The following MPDZ variants were observed in gnomAD, a reference collection of about 807,000 sequenced individuals.
MPDZ encodes multiple PDZ domain protein.
A neutral mutation model predicts 239.1 loss-of-function variants in MPDZ; 234 were observed. The ratio of observed to expected loss-of-function variants is 0.98; its 90% CI spans 0.88 to 1.09. MPDZ has a LOEUF of 1.09. MPDZ is among the 50% of genes least tolerant of loss of function. The pLI is 0.00. For missense variants in MPDZ, 3,175 were observed against 2,510.0 expected, an observed-to-expected ratio of 1.26 and a Z score of -5.66; for synonymous variants, 1,048 against 881.3, an observed-to-expected ratio of 1.19 and a Z score of -3.35.
intron 26 of MPDZ, 124 bp from the exon 27 acceptor site, chr9:13,143,688 G>T (rs1376380483): frequency 1.5e-5 from 11 of 737,338 alleles, no homozygotes. Context: ...ATCAGATCCA[G>T]TCATTAATAG....
At chr9:13,194,242 T>A (rs926404664) in intron 13 of MPDZ, among the ~76,000 whole-genome samples, 1 of 152,294 alleles carries the variant, frequency 6.6e-6, no homozygotes, top group Non-Finnish European at 1.5e-5. Flanking sequence ...TTTCATTTAT[T>A]GTATACTTCC....
intron 15 of MPDZ, among the ~76,000 whole-genome samples, chr9:13,191,064 G>C (rs955552481): frequency 3.3e-5 from 5 of 152,074 alleles, no homozygotes; most frequent in Non-Finnish European, 7.4e-5. Flanking sequence ...CTAGTTTGTA[G>C]AATATCTTTG....
intron 46 of MPDZ, among the ~76,000 whole-genome samples, chr9:13,107,534 G>C (rs1384508776): frequency 6.6e-6 from 1 of 152,156 alleles, no homozygotes; most frequent in East Asian, 1.9e-4. Context: ...CAGGACAAGG[G>C]CTTGGGGGAT....
chr9:13,115,731 G>A (rs987255197), intron 39 of MPDZ, among the ~76,000 whole-genome samples: 7 of 151,992 alleles, frequency 4.6e-5, no homozygotes, highest in Non-Finnish European at 5.9e-5. Context: ...GGATCACGAG[G>A]TCAGGAGATC....
intron 24 of MPDZ, among the ~76,000 whole-genome samples, chr9:13,153,596 C>T (rs190210530): frequency 1.6e-4 from 25 of 152,210 alleles, no homozygotes; most frequent in Admixed American, 3.9e-4. Context: ...TCTCAGCCTC[C>T]CTAAGTGCTG....
At position 13,147,626 on chromosome 9, in the gene MPDZ, A is replaced by G. The variant is rs1014098438; in HGVS notation, c.3663T>C (p.His1221=). The part of the protein sequence containing the change: ...VDGMDLRDAS[H]EQAVEAIRKA... ...TCCGAATGGCTTCCACAGCTTGTTC[A>G]TGGCTTGCATCTCTGAGGTCCATTC... The change falls in exon 26 of 47, where the codon CAT becomes CAC. Residue 1221 remains histidine (H), a synonymous_variant. Coordinates refer to ENST00000319217, the MANE Select transcript of MPDZ (RefSeq NM_001378778.1). 1 of 1,612,284 alleles carries G rather than the reference A, an allele frequency of 6.2e-7. No individual in the cohort carries two copies. Among genetic ancestry groups the G allele is most frequent in the Non-Finnish European group, 8.5e-7 (1 of 1,178,758 alleles).
intron 1 of MPDZ, among the ~76,000 whole-genome samples, chr9:13,262,654 G>C (rs570720692): frequency 6.6e-6 from 1 of 151,352 alleles, no homozygotes; most frequent in Non-Finnish European, 1.5e-5. Context: ...ATCTAAAAGA[G>C]GTTAGGAATG....
chr9:13,242,279 G>A (rs1965609242), intron 3 of MPDZ, among the ~76,000 whole-genome samples: 1 of 123,282 alleles, frequency 8.1e-6, no homozygotes, highest in Non-Finnish European at 1.6e-5. Flanking sequence ...AGGCTGGAGT[G>A]CAGTGGCGCA....
intron 10 of MPDZ, among the ~76,000 whole-genome samples, chr9:13,214,766 C>T (rs1958074598): frequency 6.6e-6 from 1 of 151,946 alleles, no homozygotes; most frequent in African/African-American, 2.4e-5. Context: ...AATTCATTTA[C>T]ATTGTATGGT....
chr9:13,251,707 A>G (rs1030074307), intron 1 of MPDZ, among the ~76,000 whole-genome samples: 1 of 152,254 alleles, frequency 6.6e-6, no homozygotes, highest in African/African-American at 2.4e-5. Context: ...GTAGATGAGC[A>G]GATCTACAGA....
intron 10 of MPDZ, among the ~76,000 whole-genome samples, chr9:13,215,454 T>TAC (rs1958182537): frequency 6.6e-6 from 1 of 150,754 alleles, no homozygotes; most frequent in African/African-American, 2.4e-5. Flanking sequence ...TATATATATA[T>TAC]CACATTTTGT....
At chr9:13,230,907 A>G (rs1962227054) in intron 3 of MPDZ, among the ~76,000 whole-genome samples, 2 of 152,132 alleles carry the variant, frequency 1.3e-5, no homozygotes, top group Non-Finnish European at 1.5e-5. Flanking sequence ...TGTAAGAGGG[A>G]AAAAAAGGAA....
At chr9:13,136,348 T>TTTTTTTG (rs1946781799) in intron 30 of MPDZ, among the ~76,000 whole-genome samples, 166 bp from the exon 31 acceptor site, 1 of 142,800 alleles carries the variant, frequency 7.0e-6, no homozygotes, top group Non-Finnish European at 1.5e-5. Context: ...TTTTTTTTTT[T>TTTTTTTG]TGAGACAGAG....
chr9:13,160,100 G>A (rs1208107418), intron 23 of MPDZ, among the ~76,000 whole-genome samples: 1 of 152,174 alleles, frequency 6.6e-6, no homozygotes. Context: ...GATTTGGATT[G>A]AGGCCATCTT....
chr9:13,213,627 T>C (rs1390688552), intron 10 of MPDZ, among the ~76,000 whole-genome samples: 2 of 151,888 alleles, frequency 1.3e-5, no homozygotes, highest in African/African-American at 4.8e-5. Flanking sequence ...TATATCTTTG[T>C]AGTAAAAGAA....
chr9:13,242,430 C>T (rs1292276029), intron 3 of MPDZ, among the ~76,000 whole-genome samples: 2 of 151,494 alleles, frequency 1.3e-5, no homozygotes, highest in African/African-American at 4.8e-5. Flanking sequence ...GGTTTCACCA[C>T]GTTGACCATG....
At position 13,247,792 on chromosome 9, in the gene MPDZ, C is replaced by G. The variant is rs1437084828; in HGVS notation, c.26G>C (p.Arg9Pro). 1.3e-6 allele frequency: 2 copies of G among 1,598,938 alleles called. No homozygotes were observed. Among genetic ancestry groups the G allele is most frequent in the Non-Finnish European group, 1.7e-6 (2 of 1,168,652 alleles). The change falls in exon 3 of 47, where the codon CGG (arginine) becomes CCG (proline). Residue 9 changes from arginine to proline, a missense_variant. Arg to Pro is a moderately radical substitution (Grantham distance 103). Transcript: ENST00000319217. ...CAAGCGCTCTGCTGCATGCAGGGCCCGATTTTTGTCTATACCAAAGAGCAG... is the reference window on the plus strand; with the variant it reads ...CAAGCGCTCTGCTGCATGCAGGGCCGGATTTTTGTCTATACCAAAGAGCAG... MLEAIDKN[R>P]ALHAAERLQT...
At chr9:13,219,185 G>A (rs113035581) in intron 8 of MPDZ, among the ~76,000 whole-genome samples, 7 of 151,988 alleles carry the variant, frequency 4.6e-5, no homozygotes, top group African/African-American at 1.7e-4. Flanking sequence ...GAAAGAGAAT[G>A]ATTAGAACTA....
At chr9:13,268,197 T>C (rs1181546511) in intron 1 of MPDZ, among the ~76,000 whole-genome samples, 2 of 151,528 alleles carry the variant, frequency 1.3e-5, no homozygotes, top group Non-Finnish European at 2.9e-5. Context: ...GAGATCTAGA[T>C]ATACAGATGG....
Sources: gnomAD v4.1 joint callset for allele counts (sites outside exome capture counted in the v4.1 genomes callset) on GRCh38, gnomAD v4.1.1 for gene constraint, MANE v1.5 for transcripts, NCBI Gene and HGNC (gene_info 2026-07-23, HGNC 2026-07-21) for gene names.